The following ANKRD16 variants were observed in gnomAD, a reference collection of about 807,000 sequenced individuals.
The protein encoded by ANKRD16 is ankyrin repeat domain 16.
ANKRD16 carries 35 observed loss-of-function variants against 37.9 expected under a neutral mutation model. That is an observed-to-expected ratio of 0.92 (90% CI 0.71 to 1.23). ANKRD16 has a LOEUF of 1.23. ANKRD16 is among the 50% of genes most tolerant of loss of function. ANKRD16 has a pLI of 0.00. For synonymous variants in ANKRD16, 206 were observed against 197.2 expected (o/e 1.04, Z -0.37); for missense variants, 480 against 469.9 (o/e 1.02, Z -0.20).
intron 4 of ANKRD16, 116 bp from the exon 5 acceptor site, chr10:5,883,283 GC>G (rs772910154): frequency 7.8e-5 from 81 of 1,043,920 alleles, no homozygotes; most frequent in Non-Finnish European, 1.0e-4. Context: ...AACTCTCTGG[GC>G]AGAGGATATG....
At chr10:5,881,844 T>C (rs558062264) in intron 5 of ANKRD16, among the ~76,000 whole-genome samples, 2 of 151,934 alleles carry the variant, frequency 1.3e-5, no homozygotes, top group African/African-American at 2.4e-5. Context: ...CCTGCCACCA[T>C]GCCCGGCTAA....
chr10:5,883,208 A>G (rs1842349770), intron 4 of ANKRD16, 41 bp from the exon 5 acceptor site: 1 of 1,597,100 alleles, frequency 6.3e-7, no homozygotes, highest in South Asian at 1.1e-5. Flanking sequence ...GTCAAAGATA[A>G]GAAACAGGGC....
rs1842552267 is a variant in ANKRD16 at position 5,889,405 on chromosome 10, C to A, written c.-51G>T. ...GGGGAGGCGGCGGGCGGGACACCGG[C>A]GGCCGGGCAGGGAGAAGCCGAGGGC... On this transcript the variant is annotated 5_prime_UTR_variant, in exon 1 of 8. Coordinates refer to ENST00000380094, the MANE Select transcript of ANKRD16 (RefSeq NM_019046.3). 2.6e-6 allele frequency: 3 copies of A among 1,154,700 alleles called. No homozygotes were observed. The highest frequency in any genetic ancestry group is 3.2e-6 in the Non-Finnish European group (3 of 937,228). 71.5% of individuals were successfully genotyped at this position (1,154,700 alleles called of 1,614,324 possible).
intron 7 of ANKRD16, among the ~76,000 whole-genome samples, chr10:5,875,371 A>G (rs1842167319): frequency 6.6e-6 from 1 of 152,242 alleles, no homozygotes; most frequent in African/African-American, 2.4e-5. Flanking sequence ...AAATCAGTCC[A>G]AGGAGCCTGC....
chr10:5,876,971 C>G (rs1167575378), intron 7 of ANKRD16, among the ~76,000 whole-genome samples: 1 of 152,180 alleles, frequency 6.6e-6, no homozygotes, highest in Non-Finnish European at 1.5e-5. Flanking sequence ...TTTTTTAAAG[C>G]TAAATGTCAA....
At position 5,889,456 on chromosome 10, in the gene ANKRD16, C is replaced by T. The variant is rs1341446627; in HGVS notation, c.-102G>A. 1.2e-6 allele frequency: 1 copy of T among 861,568 alleles called. No individual in the cohort carries two copies. The highest frequency in any genetic ancestry group is 1.5e-6 in the Non-Finnish European group (1 of 680,342). 53.4% of individuals were successfully genotyped at this position (861,568 alleles called of 1,614,324 possible). ...GAGTGGGACTTTCCGCCTCTTCACG[C>T]AACCTGCCCCGCGCGCCCCGAACCC... On this transcript the variant is annotated 5_prime_UTR_variant, in exon 1 of 8. Coordinates refer to ENST00000380094, the MANE Select transcript of ANKRD16 (RefSeq NM_019046.3).
chr10:5,879,482 A>T lies in ANKRD16; in HGVS notation c.928+816T>A, dbSNP rs1589020855. On this transcript the variant is annotated intron_variant, in intron 6 of 7. Transcript: ENST00000380094. ...GACTTTGTCTCCAAAAAAAAAAAAA[A>T]ATTCCACTAAACCCTTGCAAGATGG... 2.0e-5 allele frequency among the ~76,000 whole-genome samples: 3 copies of T among 152,210 alleles called. No individual in the cohort carries two copies. The East Asian group carries it at 5.8e-4, about 29-fold the overall frequency.
rs1459849528 is a variant in ANKRD16 at position 5,866,691 on chromosome 10, CA to C, written c.*34-4001del. 6.6e-6 allele frequency among the ~76,000 whole-genome samples: 1 copy of C among 152,038 alleles called. No homozygotes were observed. The highest frequency in any genetic ancestry group is 2.4e-5 in the African/African-American group (1 of 41,356). Reference sequence around the variant, plus strand: ...GGCAGTCTTACACCGCCGAAGCCATCAAAAAGGGGAAGGAGAGGGGAGAACA... The same window carrying C: ...GGCAGTCTTACACCGCCGAAGCCATCAAAAGGGGAAGGAGAGGGGAGAACA... On this transcript the variant is annotated intron_variant, in intron 7 of 7. Coordinates refer to ENST00000380094, the MANE Select transcript of ANKRD16 (RefSeq NM_019046.3). The surrounding 1 kb of genome is among the most constrained non-coding windows in gnomAD (Gnocchi z 4.3).
chr10:5,882,957 T>A (rs762711587), intron 5 of ANKRD16, 49 bp downstream of exon 5: 19 of 1,589,818 alleles, frequency 1.2e-5, no homozygotes, highest in Non-Finnish European at 1.6e-5. Context: ...ATCAAAGAAG[T>A]AAGGCAAGCC....
Position 5,868,398 on chromosome 10 carries a change from G to C in ANKRD16, c.*34-5707C>G, listed in dbSNP as rs7079451. ...AGTAGCAGTTGGGGTGTTCCGTTTA[G>C]AGGGTGGGTTGAGAGGTGAAGCCAG... On this transcript the variant is annotated intron_variant, in intron 7 of 7. Transcript: ENST00000380094. The surrounding 1 kb of genome is among the most constrained non-coding windows in gnomAD (Gnocchi z 4.9). Among the ~76,000 whole-genome samples the C allele has an allele frequency of 0.026, 3,976 of 152,300 alleles. 160 individuals carry two copies. Among genetic ancestry groups the C allele is most frequent in the African/African-American group, 0.09 (3,729 of 41,536 alleles).
At chr10:5,888,095 A>G in intron 1 of ANKRD16, 28 bp from the exon 2 acceptor site, 1 of 1,601,174 alleles carries the variant, frequency 6.2e-7, no homozygotes, top group Non-Finnish European at 8.6e-7. Context: ...AAGCTGTCAG[A>G]TGGAGGCAGC....
Position 5,889,224 on chromosome 10 carries a change from G to C in ANKRD16, c.131C>G (p.Ala44Gly). The change falls in exon 1 of 8, where the codon GCC (alanine) becomes GGC (glycine). Residue 44 changes from alanine to glycine, a missense_variant. Physicochemically the swap from Ala to Gly is moderately conservative, Grantham distance 60. Transcript: ENST00000380094. Reference protein sequence around the residue: ...GPAGDTLLHCAARHGHRDVLA... With the variant: ...GPAGDTLLHCGARHGHRDVLA... ...CACGTCCCGATGCCCGTGGCGCGCG[G>C]CGCAGTGCAGGAGGGTATCCCCGGC... 6.3e-7 allele frequency: 1 copy of C among 1,593,188 alleles called. No individual in the cohort carries two copies. Among genetic ancestry groups the C allele is most frequent in the Non-Finnish European group, 8.5e-7 (1 of 1,177,552 alleles).
Position 5,862,582 on chromosome 10 carries a change from CA to C in ANKRD16, c.*142del. On this transcript the variant is annotated 3_prime_UTR_variant, in exon 8 of 8. Coordinates refer to ENST00000380094, the MANE Select transcript of ANKRD16 (RefSeq NM_019046.3). This position sits in a 1 kb window ranked among gnomAD's most constrained non-coding sequence, Gnocchi z 6.5. ...TATACAACTTTGATCTCGCTGGGGT[CA>C]AACGTAGGTGGCTGCGGTTGGTTGA... 2 of 1,287,876 alleles carry C rather than the reference CA, an allele frequency of 1.6e-6. No homozygotes were observed. The highest frequency in any genetic ancestry group is 4.6e-5 in the Admixed American group (2 of 43,558). 79.8% of individuals were successfully genotyped at this position (1,287,876 alleles called of 1,614,324 possible).
At chr10:5,873,656 A>C (rs1225236835) in intron 7 of ANKRD16, among the ~76,000 whole-genome samples, 1 of 152,128 alleles carries the variant, frequency 6.6e-6, no homozygotes, top group Non-Finnish European at 1.5e-5. Context: ...GATTCTAGCA[A>C]CGTCCTGGGT....
chr10:5,889,295 G>A lies in ANKRD16; in HGVS notation c.60C>T (p.Arg20=), dbSNP rs1842544465. Residue 20 remains arginine (R), a synonymous_variant, in exon 1 of 8, where the codon CGC becomes CGT. Coordinates refer to ENST00000380094, the MANE Select transcript of ANKRD16 (RefSeq NM_019046.3). Reference sequence around the variant, plus strand: ...CCGCCTGCAGCTCCTCCTTCAGGGCGCGCAGCCGGCCCTCCTGCACCAGCC... The same window carrying A: ...CCGCCTGCAGCTCCTCCTTCAGGGCACGCAGCCGGCCCTCCTGCACCAGCC... ...LCRLVQEGRL[R]ALKEELQAAG... is the part of the protein sequence containing the mutation. The A allele has an allele frequency of 4.3e-6, 6 of 1,387,506 alleles. No homozygotes were observed. Among genetic ancestry groups the A allele is most frequent in the Non-Finnish European group, 5.6e-6 (6 of 1,075,728 alleles). 85.9% of individuals were successfully genotyped at this position (1,387,506 alleles called of 1,614,324 possible). A position where few individuals can be genotyped will look rare whatever the true frequency, so the allele number is the denominator to read the frequency against.
intron 2 of ANKRD16, among the ~76,000 whole-genome samples, 195 bp downstream of exon 2, chr10:5,887,652 T>C (rs1842451119): frequency 6.6e-6 from 1 of 151,998 alleles, no homozygotes. Flanking sequence ...CCCAAAGTGC[T>C]GGGATTACAG....
At chr10:5,888,443 C>T (rs1842491272) in intron 1 of ANKRD16, among the ~76,000 whole-genome samples, 2 of 152,214 alleles carry the variant, frequency 1.3e-5, no homozygotes, top group Admixed American at 6.5e-5. Context: ...CCCTATGTTC[C>T]TAAAGATGTT....
At chr10:5,872,378 C>T (rs1367982496) in intron 7 of ANKRD16, among the ~76,000 whole-genome samples, 3 of 151,922 alleles carry the variant, frequency 2.0e-5, no homozygotes, top group Admixed American at 6.6e-5. Flanking sequence ...ACTCAGGAGG[C>T]TGAGGTATGA....
intron 5 of ANKRD16, among the ~76,000 whole-genome samples, chr10:5,880,638 G>A (rs1842282714): frequency 6.6e-6 from 1 of 152,066 alleles, no homozygotes; most frequent in Non-Finnish European, 1.5e-5. Context: ...AAGGAGCAGG[G>A]GGGGGATTAG....
Sources: allele counts gnomAD v4.1 joint callset (sites outside exome capture counted in the v4.1 genomes callset), GRCh38; gene constraint gnomAD v4.1.1; non-coding constraint Gnocchi (gnomAD v3.1); transcripts MANE v1.5; gene names NCBI Gene and HGNC (gene_info 2026-07-23, HGNC 2026-07-21).